The following PRPF3 variants were observed in gnomAD, a reference collection of about 807,000 sequenced individuals.
PRPF3 encodes pre-mRNA processing factor 3.
Under a neutral mutation model 89.2 loss-of-function variants are expected in PRPF3, and 3 were observed. The observed-to-expected ratio is 0.03, with a 90% confidence interval of 0.02 to 0.09. The LOEUF (loss-of-function observed/expected upper bound fraction) is 0.09. Ranked by LOEUF, PRPF3 falls within the 10% of genes least tolerant of loss-of-function variation. The pLI is 1.00. For missense variants in PRPF3, 463 were observed against 828.8 expected, an observed-to-expected ratio of 0.56 and a Z score of 5.42; for synonymous variants, 270 against 289.1, an observed-to-expected ratio of 0.93 and a Z score of 0.67.
rs1553873583 is a variant in PRPF3, at chr1:150,348,459, C to CTTTTTTTTTTTTTTTTTTTTTTTTTT, written c.1844-698_1844-697insTTTTTTTTTTTTTTTTTTTTTTTTTT. Among the ~76,000 whole-genome samples, 23 of 34,832 alleles carry CTTTTTTTTTTTTTTTTTTTTTTTTTT rather than the reference C, an allele frequency of 6.6e-4. 3 individuals carry two copies. Among genetic ancestry groups the CTTTTTTTTTTTTTTTTTTTTTTTTTT allele is most frequent in the African/African-American group, 2.0e-3 (21 of 10,616 alleles). 22.9% of individuals were successfully genotyped at this position (34,832 alleles called of 152,430 possible). ...TAAAAAATATTTTGTTCTACACGTG[C>CTTTTTTTTTTTTTTTTTTTTTTTTTT]ATTTTTTTTTTTTTTTTTTTGAGAT... On this transcript the variant is annotated intron_variant, in intron 14 of 15. Transcript: ENST00000324862.
rs1185909509 is a variant in PRPF3 at position 150,348,460 on chromosome 1, A to ATTTTTT, written c.1844-683_1844-678dup. On this transcript the variant is annotated intron_variant, in intron 14 of 15. Coordinates refer to ENST00000324862, the MANE Select transcript of PRPF3 (RefSeq NM_004698.4). ...AAAAAATATTTTGTTCTACACGTGCATTTTTTTTTTTTTTTTTTTGAGATG... is the reference window on the plus strand; with the variant it reads ...AAAAAATATTTTGTTCTACACGTGCATTTTTTTTTTTTTTTTTTTTTTTTTGAGATG... Among the ~76,000 whole-genome samples the ATTTTTT allele has an allele frequency of 2.5e-4, 12 of 48,460 alleles. 3 individuals carry two copies. Among genetic ancestry groups the ATTTTTT allele is most frequent in the African/African-American group, 5.4e-4 (6 of 11,206 alleles). 31.8% of individuals were successfully genotyped at this position (48,460 alleles called of 152,430 possible).
At chr1:150,349,739 G>A (rs1175014439) in intron 15 of PRPF3, among the ~76,000 whole-genome samples, 1 of 152,126 alleles carries the variant, frequency 6.6e-6, no homozygotes, top group African/African-American at 2.4e-5. Flanking sequence ...TTCATAAAAT[G>A]TGACTGAATC....
chr1:150,341,924 G>A (rs1433472913), intron 9 of PRPF3, among the ~76,000 whole-genome samples: 2 of 150,756 alleles, frequency 1.3e-5, no homozygotes, highest in African/African-American at 2.4e-5. Context: ...TGCTTGTCTT[G>A]AACTCCTGAC....
intron 3 of PRPF3, 134 bp from the exon 4 acceptor site, chr1:150,328,186 G>C (rs1287426913): frequency 2.2e-5 from 21 of 965,610 alleles, no homozygotes; most frequent in Non-Finnish European, 2.7e-5. Context: ...CCCTGCTTCT[G>C]GCAGGTGGCT....
At chr1:150,348,831 T>G in intron 14 of PRPF3, 1 of 342,204 alleles carries the variant, frequency 2.9e-6, no homozygotes, top group South Asian at 2.7e-5. Flanking sequence ...TAATATATGA[T>G]GTTGACATAT....
chr1:150,351,628 G>C (rs587702932), intron 15 of PRPF3, among the ~76,000 whole-genome samples: 61 of 144,326 alleles, frequency 4.2e-4, no homozygotes, highest in African/African-American at 1.5e-3. Context: ...AGCTTCTCAA[G>C]TATCTGAGAC....
At chr1:150,341,761 G>A (rs1553871140) in intron 9 of PRPF3, among the ~76,000 whole-genome samples, 2 of 145,864 alleles carry the variant, frequency 1.4e-5, no homozygotes, top group Non-Finnish European at 3.0e-5. Flanking sequence ...GGAGTGCAAT[G>A]GCACTATCTC....
chr1:150,345,618 G>C (rs1039840793), intron 12 of PRPF3: 2 of 262,672 alleles, frequency 7.6e-6, no homozygotes, highest in Non-Finnish European at 7.4e-6. Flanking sequence ...CAAAGTGCTG[G>C]GATTACAGGC....
intron 15 of PRPF3, among the ~76,000 whole-genome samples, chr1:150,352,566 G>A (rs1415823510): frequency 6.6e-6 from 1 of 152,186 alleles, no homozygotes; most frequent in African/African-American, 2.4e-5. Flanking sequence ...TCCAGAGGCT[G>A]AGGCAGGAGA....
At position 150,339,737 on chromosome 1, in the gene PRPF3, G is replaced by GTTTT. The variant is rs71578484; in HGVS notation, c.1203-640_1203-637dup. ...ACAGGCATGAGCCACCACGCCTGGC[G>GTTTT]TTTTTTTTTTTTTTTTTTTTTTTTA... On this transcript the variant is annotated intron_variant, in intron 8 of 15. Coordinates refer to ENST00000324862, the MANE Select transcript of PRPF3 (RefSeq NM_004698.4). Among the ~76,000 whole-genome samples, 26 of 110,284 alleles carry GTTTT rather than the reference G, an allele frequency of 2.4e-4. 1 individual carries two copies. The highest frequency in any genetic ancestry group is 3.8e-4 in the Admixed American group (4 of 10,414). 72.4% of individuals were successfully genotyped at this position (110,284 alleles called of 152,430 possible).
At chr1:150,343,148 A>G (rs1657940397) in intron 9 of PRPF3, 161 bp from the exon 10 acceptor site, 1 of 286,964 alleles carries the variant, frequency 3.5e-6, no homozygotes, top group African/African-American at 2.3e-5. Context: ...AGGCTGAGGC[A>G]GGAGAATTAC....
rs934174631 is a variant in PRPF3 at position 150,346,280 on chromosome 1, G to A, written c.1760-128G>A. On this transcript the variant is annotated intron_variant, in intron 13 of 15. Transcript: ENST00000324862. ...CTAGGTCTCTGCTTCTGTGTTTTTT[G>A]GAGTAGAAGGCCCTAAGATGTGGTT... 3 of 1,226,880 alleles carry A rather than the reference G, an allele frequency of 2.4e-6. No individual in the cohort carries two copies. The African/African-American group carries it at 4.5e-5, about 18-fold the overall frequency. 76.0% of individuals were successfully genotyped at this position (1,226,880 alleles called of 1,614,324 possible). A position where few individuals can be genotyped will look rare whatever the true frequency, so the allele number is the denominator to read the frequency against.
Position 150,353,014 on chromosome 1 carries a change from T to C in PRPF3, c.*35T>C. The C allele has an allele frequency of 2.5e-6, 4 of 1,612,996 alleles. No individual in the cohort carries two copies. Among genetic ancestry groups the C allele is most frequent in the Non-Finnish European group, 3.4e-6 (4 of 1,179,274 alleles). Reference sequence around the variant, plus strand: ...AAGCCCTTGCCTCTCCTCCCTTGCCTTTGTCTCTTCAGTCCTCTCACTTAT... The same window carrying C: ...AAGCCCTTGCCTCTCCTCCCTTGCCCTTGTCTCTTCAGTCCTCTCACTTAT... On this transcript the variant is annotated 3_prime_UTR_variant, in exon 16 of 16. Coordinates refer to ENST00000324862, the MANE Select transcript of PRPF3 (RefSeq NM_004698.4).
intron 9 of PRPF3, among the ~76,000 whole-genome samples, chr1:150,342,677 C>T (rs1012988730): frequency 3.3e-5 from 5 of 151,996 alleles, no homozygotes; most frequent in East Asian, 2.0e-4. Flanking sequence ...TGCGTGCCAC[C>T]ACGCCCAGCT....
At chr1:150,340,548 A>G in intron 9 of PRPF3, 71 bp downstream of exon 9, 2 of 1,174,750 alleles carry the variant, frequency 1.7e-6, no homozygotes, top group South Asian at 1.2e-5. Context: ...AGTGAGGAAC[A>G]TGTTCTGTAT....
Position 150,332,677 on chromosome 1 carries a change from A to G in PRPF3, c.424-7A>G. The G allele has an allele frequency of 8.7e-6, 14 of 1,614,060 alleles. No homozygotes were observed. The highest frequency in any genetic ancestry group is 1.2e-5 in the Non-Finnish European group (14 of 1,179,940). On this transcript the variant is annotated splice_region_variant and splice_polypyrimidine_tract_variant and intron_variant, in intron 4 of 15. Transcript: ENST00000324862. ...AACAGTTTTTCAATTTTTTTCCTGG[A>G]GAGCAGATCAAACAGATGATGGAGG...
rs1487216865 is a variant in PRPF3 at position 150,343,256 on chromosome 1, T to C, written c.1283-53T>C. 6 of 1,141,884 alleles carry C rather than the reference T, an allele frequency of 5.3e-6. No individual in the cohort carries two copies. The East Asian group carries it at 2.0e-4, about 38-fold the overall frequency. 70.7% of individuals were successfully genotyped at this position (1,141,884 alleles called of 1,614,324 possible). On this transcript the variant is annotated intron_variant, in intron 9 of 15. Transcript: ENST00000324862. ...GAGAGAGAAAAAAAAAAAATATATA[T>C]ATATATATATGTATTCTTACTGCTT...
At chr1:150,333,669 C>T (rs1323098816) in intron 6 of PRPF3, among the ~76,000 whole-genome samples, 2 of 152,164 alleles carry the variant, frequency 1.3e-5, no homozygotes, top group East Asian at 3.9e-4. Context: ...TGAATTTTTT[C>T]TCGTCTTCCC....
At chr1:150,348,460 A>ATTTTTTTTTTTTTTTT (rs1185909509) in intron 14 of PRPF3, among the ~76,000 whole-genome samples, 850 of 48,416 alleles carry the variant, frequency 0.018, 274 homozygotes, top group East Asian at 0.037. Context: ...CTACACGTGC[A>ATTTTTTTTTTTTTTTT]TTTTTTTTTT....
Sources: allele counts gnomAD v4.1 joint callset (sites outside exome capture counted in the v4.1 genomes callset), GRCh38; gene constraint gnomAD v4.1.1; transcripts MANE v1.5; gene names NCBI Gene and HGNC (gene_info 2026-07-23, HGNC 2026-07-21).